TSSK4: variants seen among roughly 807,000 people sequenced by gnomAD.
TSSK4 encodes the protein testis specific serine kinase 4.
TSSK4 carries 22 observed loss-of-function variants against 28.5 expected under a neutral mutation model. That is an observed-to-expected ratio of 0.77 (90% CI 0.55 to 1.10). TSSK4 has a LOEUF of 1.10. Among genes scored for constraint, TSSK4 ranks in the 50% least tolerant of loss-of-function variants. The probability of loss-of-function intolerance (pLI) is 0.00; values close to 1 mark genes in which losing one functional copy is unlikely to be tolerated. For synonymous variants in TSSK4, 151 were observed against 158.3 expected, an observed-to-expected ratio of 0.95 and a Z score of 0.35; for missense variants, 329 against 415.4, an observed-to-expected ratio of 0.79 and a Z score of 1.81.
chr14:24,206,490 G>A lies in TSSK4; in HGVS notation c.226-19G>A, dbSNP rs747407488. On this transcript the variant is annotated intron_variant, in intron 1 of 3. Coordinates refer to ENST00000339917, the MANE Select transcript of TSSK4 (RefSeq NM_001184739.2). ...GGTTCTCCCTTCCCAGGTTTGATGG[G>A]TCCTTCTTCTGGGGTCAGGTAATGA... 10 of 1,613,800 alleles carry A rather than the reference G, an allele frequency of 6.2e-6. No individual in the cohort carries two copies. Among genetic ancestry groups the A allele is most frequent in the African/African-American group, 5.3e-5 (4 of 74,920 alleles).
In TSSK4 at chr14:24,207,972, C is replaced by A; in HGVS notation, c.843C>A (p.Ile281=). The A allele has an allele frequency of 6.2e-7, 1 of 1,614,106 alleles. No homozygotes were observed. Among genetic ancestry groups the A allele is most frequent in the Non-Finnish European group, 8.5e-7 (1 of 1,179,984 alleles). The change falls in exon 4 of 4, where the codon ATC becomes ATA. Residue 281 remains isoleucine, a synonymous_variant. Coordinates refer to ENST00000339917, the MANE Select transcript of TSSK4 (RefSeq NM_001184739.2). ...TCTCTCCCCTGCTCTAGAACCTGAT[C>A]CTCCAGATGCTACGCCAAGCCACTA... is the stretch of plus-strand genomic sequence containing the variant. The part of the protein sequence containing the change: ...HTISQECKNL[I]LQMLRQATKR...
At chr14:24,206,247 C>T (rs2039514755) in intron 1 of TSSK4, 99 bp downstream of exon 1, 2 of 1,167,248 alleles carry the variant, frequency 1.7e-6, no homozygotes, top group Non-Finnish European at 2.5e-6. Flanking sequence ...CCAGAAACCC[C>T]TAAACCAGAA....
At position 24,208,118 on chromosome 14, in the gene TSSK4, A is replaced by G. The variant is rs146048537; in HGVS notation, c.989A>G (p.Gln330Arg). ...AMCQLHNTTK[Q>R]HQSLQITT Reference sequence around the variant, plus strand: ...TGCCAGCTCCACAACACCACTAAACAGCACCAATCCTTGCAAATTACGACC... The same window carrying G: ...TGCCAGCTCCACAACACCACTAAACGGCACCAATCCTTGCAAATTACGACC... The change falls in exon 4 of 4, where the codon CAG becomes CGG. Residue 330 changes from glutamine (Q) to arginine (R), a missense_variant. Coordinates refer to ENST00000339917, the MANE Select transcript of TSSK4 (RefSeq NM_001184739.2). The G allele has an allele frequency of 4.4e-6, 7 of 1,607,218 alleles. No individual in the cohort carries two copies. Among genetic ancestry groups the G allele is most frequent in the Middle Eastern group, 1.6e-4 (1 of 6,068 alleles).
At chr14:24,207,626 C>T in intron 3 of TSSK4, 117 bp downstream of exon 3, 1 of 1,211,380 alleles carries the variant, frequency 8.3e-7, no homozygotes, top group South Asian at 1.5e-5. Flanking sequence ...TCTTCCCACA[C>T]CAGAGCCATC....
chr14:24,207,706 C>A (rs953877065), intron 3 of TSSK4, among the ~76,000 whole-genome samples, 197 bp downstream of exon 3: 1 of 152,222 alleles, frequency 6.6e-6, no homozygotes, highest in Non-Finnish European at 1.5e-5. Context: ...AGGCTCCAAA[C>A]CTTGCCTGAT....
intron 2 of TSSK4, 102 bp downstream of exon 2, chr14:24,206,825 A>G: frequency 7.9e-7 from 1 of 1,257,976 alleles, no homozygotes; most frequent in Non-Finnish European, 1.1e-6. Context: ...TCCCTCCTCA[A>G]TATCTAGCCT....
In TSSK4 at chr14:24,207,618, T is replaced by C; in HGVS notation, c.834+109T>C. 9 of 1,302,196 alleles carry C rather than the reference T, an allele frequency of 6.9e-6. 1 individual carries two copies. In the South Asian group the frequency reaches 1.2e-4, roughly 17 times the overall value. The allele number at this position is 1,302,196 out of a possible 1,614,324, so 80.7% of individuals were successfully genotyped here. On this transcript the variant is annotated intron_variant, in intron 3 of 3. Coordinates refer to ENST00000339917, the MANE Select transcript of TSSK4 (RefSeq NM_001184739.2). ...GCCTCCCAACCCTGGGGAAAGGCTCTTCCCACACCAGAGCCATCTCACACA... is the reference window on the plus strand; with the variant it reads ...GCCTCCCAACCCTGGGGAAAGGCTCCTCCCACACCAGAGCCATCTCACACA...
Position 24,206,090 on chromosome 14 carries a change from T to C in TSSK4, c.167T>C (p.Ile56Thr). ...KQKVMVAVKI[I>T]SKKKASDDYL... ...AAGGTTATGGTGGCAGTCAAGATCATCTCAAAGAAGAAGGCCTCTGATGAC... is the reference window on the plus strand; with the variant it reads ...AAGGTTATGGTGGCAGTCAAGATCACCTCAAAGAAGAAGGCCTCTGATGAC... Residue 56 changes from isoleucine to threonine, a missense_variant, in exon 1 of 4, where the codon ATC (isoleucine) becomes ACC (threonine). Ile to Thr is a moderately conservative substitution (Grantham distance 89). Around this residue, in one of 3 missense-constraint regions of TSSK4, gnomAD observed 175 missense variants for 196.0 expected, o/e 0.89. Transcript: ENST00000339917. 1 of 1,614,148 alleles carries C rather than the reference T, an allele frequency of 6.2e-7. No individual in the cohort carries two copies. The highest frequency in any genetic ancestry group is 8.5e-7 in the Non-Finnish European group (1 of 1,180,034).
In TSSK4 at chr14:24,206,638, G is replaced by A. The variant is rs1566656444; in HGVS notation, c.355G>A (p.Ala119Thr). 6.2e-7 allele frequency: 1 copy of A among 1,614,224 alleles called. No homozygotes were observed. The highest frequency in any genetic ancestry group is 1.7e-5 in the Admixed American group (1 of 60,030). The part of the protein sequence containing the change: ...DVLEWIQRYG[A>T]CSEPLAGKWF... ...CCTTGAATGGATCCAGCGCTACGGG[G>A]CCTGCTCTGAGCCCCTTGCTGGCAA... The change falls in exon 2 of 4, where the codon GCC (alanine) becomes ACC (threonine). Residue 119 changes from alanine to threonine, a missense_variant. This residue lies in a region of TSSK4 where 175 missense variants were observed against 196.0 expected (regional missense o/e 0.89). Transcript: ENST00000339917.
Position 24,207,156 on chromosome 14 carries a change from T to C in TSSK4, c.481T>C (p.Leu161=), listed in dbSNP as rs770649843. 6.2e-6 allele frequency: 10 copies of C among 1,612,308 alleles called. No homozygotes were observed. The Admixed American group carries it at 1.5e-4, about 24-fold the overall frequency. The part of the protein sequence containing the change: ...SLSAAGRDLK[L]ENLLLDKWEN... Reference sequence around the variant, plus strand: ...TTCTGCTGCTGGTAGGGACTTAAAGTTGGAGAACCTGTTGCTGGACAAGTG... The same window carrying C: ...TTCTGCTGCTGGTAGGGACTTAAAGCTGGAGAACCTGTTGCTGGACAAGTG... Residue 161 remains leucine (L), a synonymous_variant, in exon 3 of 4, where the codon TTG becomes CTG. Transcript: ENST00000339917.
rs754303909 is a variant in TSSK4, at chr14:24,207,111, C to A, written c.441-5C>A. The A allele has an allele frequency of 1.2e-6, 2 of 1,604,350 alleles. No homozygotes were observed. The highest frequency in any genetic ancestry group is 1.7e-4 in the Middle Eastern group (1 of 6,060). On this transcript the variant is annotated splice_polypyrimidine_tract_variant and splice_region_variant and intron_variant, in intron 2 of 3. Transcript: ENST00000339917. ...TCCCAGTCTAAAACTAAGCCCTCTC[C>A]CCAGCCTGATGCCCAGCCTTTCTGC...
chr14:24,207,397 C>G lies in TSSK4; in HGVS notation c.722C>G (p.Thr241Ser). 1.2e-6 allele frequency: 2 copies of G among 1,614,192 alleles called. No individual in the cohort carries two copies. The highest frequency in any genetic ancestry group is 1.7e-6 in the Non-Finnish European group (2 of 1,180,042). Residue 241 changes from threonine (T) to serine (S), a missense_variant, in exon 3 of 4, where the codon ACT (threonine) becomes AGT (serine). Around this residue, in one of 3 missense-constraint regions of TSSK4, gnomAD observed 139 missense variants for 178.1 expected, o/e 0.78. Coordinates refer to ENST00000339917, the MANE Select transcript of TSSK4 (RefSeq NM_001184739.2). ...DTWSMGVILYTLVVAHLPFDD... is the reference protein window; with the variant it reads ...DTWSMGVILYSLVVAHLPFDD... The stretch of plus-strand genomic sequence containing the variant: ...TGGAGCATGGGCGTCATCCTTTACA[C>G]TCTAGTGGTCGCCCATCTGCCCTTT...
Position 24,205,928 on chromosome 14 carries a change from G to A in TSSK4, c.5G>A (p.Gly2Glu), listed in dbSNP as rs1470104229. The change falls in exon 1 of 4, where the codon GGG (glycine) becomes GAG (glutamate). Residue 2 changes from glycine to glutamate, a missense_variant. Gly to Glu is a moderately conservative substitution (Grantham distance 98). Around this residue, in one of 3 missense-constraint regions of TSSK4, gnomAD observed 175 missense variants for 196.0 expected, o/e 0.89. Transcript: ENST00000339917. M[G>E]KGDVLEAAPT... ...GCTCTCAGCAAGCCCAACACCATGGGGAAGGGAGATGTCTTAGAGGCAGCA... is the reference window on the plus strand; with the variant it reads ...GCTCTCAGCAAGCCCAACACCATGGAGAAGGGAGATGTCTTAGAGGCAGCA... 5 of 1,613,218 alleles carry A rather than the reference G, an allele frequency of 3.1e-6. No individual in the cohort carries two copies. The highest frequency in any genetic ancestry group is 2.7e-5 in the African/African-American group (2 of 74,900).
In TSSK4 at chr14:24,206,627, A is replaced by G. The variant is rs1346712057; in HGVS notation, c.344A>G (p.Gln115Arg). The G allele has an allele frequency of 6.2e-7, 1 of 1,614,228 alleles. No individual in the cohort carries two copies. The highest frequency in any genetic ancestry group is 8.5e-7 in the Non-Finnish European group (1 of 1,180,040). The change falls in exon 2 of 4, where the codon CAG (glutamine) becomes CGG (arginine). Residue 115 changes from glutamine (Q) to arginine (R), a missense_variant. Around this residue, in one of 3 missense-constraint regions of TSSK4, gnomAD observed 175 missense variants for 196.0 expected, o/e 0.89. Coordinates refer to ENST00000339917, the MANE Select transcript of TSSK4 (RefSeq NM_001184739.2). ...AQGGDVLEWIQRYGACSEPLA... is the reference protein window; with the variant it reads ...AQGGDVLEWIRRYGACSEPLA... ...GGTGGTGATGTCCTTGAATGGATCC[A>G]GCGCTACGGGGCCTGCTCTGAGCCC...
At chr14:24,207,865 T>G in intron 3 of TSSK4, 99 bp from the exon 4 acceptor site, 1 of 1,594,942 alleles carries the variant, frequency 6.3e-7, no homozygotes, top group Non-Finnish European at 8.5e-7. Flanking sequence ...CAGAGTGGTA[T>G]GATGGGCTAT....
chr14:24,206,269 C>G, intron 1 of TSSK4, 121 bp downstream of exon 1: 1 of 978,480 alleles, frequency 1.0e-6, no homozygotes, highest in Non-Finnish European at 1.5e-6. Flanking sequence ...TGAAATGTCT[C>G]ACTAAGCAGC....
In TSSK4 at chr14:24,208,020, C is replaced by G. The variant is rs2039551831; in HGVS notation, c.891C>G (p.Ile297Met). The part of the protein sequence containing the change: ...QATKRATILD[I>M]IKDSWVLKFQ... ...CTAAGCGTGCCACCATTCTGGACAT[C>G]ATCAAGGATTCCTGGGTGCTCAAGT... The change falls in exon 4 of 4, where the codon ATC becomes ATG. Residue 297 changes from isoleucine to methionine, a missense_variant. Ile to Met is a conservative substitution (Grantham distance 10, BLOSUM62 1). Coordinates refer to ENST00000339917, the MANE Select transcript of TSSK4 (RefSeq NM_001184739.2). 3 of 1,614,112 alleles carry G rather than the reference C, an allele frequency of 1.9e-6. No homozygotes were observed. The Admixed American group carries it at 5.0e-5, about 27-fold the overall frequency.
At chr14:24,206,195 G>C in intron 1 of TSSK4, 47 bp downstream of exon 1, 1 of 1,569,514 alleles carries the variant, frequency 6.4e-7, no homozygotes, top group Non-Finnish European at 8.8e-7. Context: ...GTACTAAGCT[G>C]CTTGAGGTTT....
rs200353859 is a variant in TSSK4, at chr14:24,208,024, A to T, written c.895A>T (p.Lys299Ter). The T allele has an allele frequency of 2.6e-4, 416 of 1,614,192 alleles. No homozygotes were observed. The Middle Eastern group carries it at 2.6e-3, about 10-fold the overall frequency. ...TKRATILDII[K>*]DSWVLKFQPE... The stretch of plus-strand genomic sequence containing the variant: ...GCGTGCCACCATTCTGGACATCATC[A>T]AGGATTCCTGGGTGCTCAAGTTCCA... Residue 299 changes from lysine to a stop codon, truncating the protein, a stop_gained, in exon 4 of 4, where the codon AAG (lysine) becomes TAG (stop). Coordinates refer to ENST00000339917, the MANE Select transcript of TSSK4 (RefSeq NM_001184739.2). LOFTEE classifies it high-confidence loss of function.
Sources: allele counts gnomAD v4.1 joint callset (sites outside exome capture counted in the v4.1 genomes callset), GRCh38; gene constraint gnomAD v4.1.1; regional missense constraint gnomAD v4.1.1; transcripts MANE v1.5; gene names NCBI Gene and HGNC (gene_info 2026-07-23, HGNC 2026-07-21).